The following ATP11C variants were observed in gnomAD, a reference collection of about 807,000 sequenced individuals.
ATP11C encodes ATPase phospholipid transporting 11C (ATP11C blood group), also known as phospholipid-transporting ATPase IG.
In ATP11C, 36 loss-of-function variants were observed where a neutral mutation model predicts 97.4. The ratio of observed to expected loss-of-function variants is 0.37; its 90% CI spans 0.28 to 0.49. The LOEUF is 0.49. ATP11C is among the 20% of genes least tolerant of loss of function. The probability of loss-of-function intolerance (pLI) is 0.98; values close to 1 mark genes in which losing one functional copy is unlikely to be tolerated. For synonymous variants in ATP11C, 275 were observed against 290.9 expected, an observed-to-expected ratio of 0.95 and a Z score of 0.56; for missense variants, 730 against 824.6, an observed-to-expected ratio of 0.89 and a Z score of 1.40.
chrX:139,933,636 A>T (rs951804526), upstream of ATP11C, among the ~76,000 whole-genome samples: 1 of 111,578 alleles, frequency 9.0e-6, no homozygotes, highest in Middle Eastern at 4.7e-3. Context: ...GAGTTCAGAG[A>T]CTCTTACACG....
At chrX:139,767,670 G>C (rs1301809656) in intron 20 of ATP11C, among the ~76,000 whole-genome samples, 4 of 111,632 alleles carry the variant, frequency 3.6e-5, no homozygotes. Context: ...TATCCAGAGA[G>C]AGACCATAAA....
intron 28 of ATP11C, among the ~76,000 whole-genome samples, chrX:139,735,773 GAAA>G (rs1247095652): frequency 1.0e-5 from 1 of 97,243 alleles, no homozygotes; most frequent in Non-Finnish European, 2.1e-5. Context: ...TTTCTCATAA[GAAA>G]AAAAAAAAAG....
chrX:139,841,668 G>A (rs775241190), intron 1 of ATP11C, among the ~76,000 whole-genome samples: 4 of 112,376 alleles, frequency 3.6e-5, no homozygotes, highest in Non-Finnish European at 7.5e-5. Context: ...TGAATCTTGT[G>A]TAGAAGAACA....
At position 139,908,163 on chromosome X, in the gene ATP11C, G is replaced by C. The variant is rs772090760; in HGVS notation, c.27+23853C>G. On this transcript the variant is annotated intron_variant, in intron 1 of 29. Transcript: ENST00000682941. ...ATCTTCCCCCGGTTCCACTGAGTGT[G>C]CCCTTCAGCCCCACTAGCCTCCTTT... 3.6e-5 allele frequency among the ~76,000 whole-genome samples: 4 copies of C among 111,323 alleles called. No homozygotes were observed. The South Asian group carries it at 1.5e-3, about 42-fold the overall frequency.
At chrX:139,769,326 ATT>A (rs1556299528) in intron 19 of ATP11C, among the ~76,000 whole-genome samples, 2 of 67,012 alleles carry the variant, frequency 3.0e-5, no homozygotes, top group Admixed American at 3.7e-4. Context: ...ATATATATAT[ATT>A]CTTTAAATGT....
Position 139,826,689 on chromosome X carries a change from A to G in ATP11C, c.147+15T>C. The G allele has an allele frequency of 8.4e-7, 1 of 1,191,211 alleles. No homozygotes were observed. Among genetic ancestry groups the G allele is most frequent in the South Asian group, 1.8e-5 (1 of 55,056 alleles). ...TCACTATATGAACATCTATTGAGTTAAAACAAAAACTTACCTTAGATGAGA... is the reference window on the plus strand; with the variant it reads ...TCACTATATGAACATCTATTGAGTTGAAACAAAAACTTACCTTAGATGAGA... On this transcript the variant is annotated intron_variant, in intron 2 of 29. Coordinates refer to ENST00000682941, the MANE Select transcript of ATP11C (RefSeq NM_001353812.2).
rs934664774 is a variant in ATP11C at position 139,853,833 on chromosome X, C to CAAAAAAAAAAAAAAAAAAAAA, written c.28-27031_28-27011dup. On this transcript the variant is annotated intron_variant, in intron 1 of 29. Transcript: ENST00000682941. ...TCACCAGTTCAGAACTATCCTAAGT[C>CAAAAAAAAAAAAAAAAAAAAA]AAAAAAAAAAAAAAAAAAAAAAAAA... Among the ~76,000 whole-genome samples, 2 of 21,270 alleles carry CAAAAAAAAAAAAAAAAAAAAA rather than the reference C, an allele frequency of 9.4e-5. 1 individual carries two copies. The highest frequency in any genetic ancestry group is 1.6e-4 in the Non-Finnish European group (2 of 12,246). The allele number at this position is 21,270 out of a possible 115,157, so 18.5% of individuals were successfully genotyped here.
intron 22 of ATP11C, among the ~76,000 whole-genome samples, chrX:139,758,728 C>T (rs1191196839): frequency 2.7e-5 from 3 of 112,009 alleles, no homozygotes; most frequent in Non-Finnish European, 5.6e-5. Flanking sequence ...AGCTTTTTTA[C>T]TGTTACTTGG....
intron 1 of ATP11C, among the ~76,000 whole-genome samples, chrX:139,870,655 A>G (rs753012188): frequency 1.8e-5 from 2 of 112,726 alleles, no homozygotes; most frequent in African/African-American, 6.4e-5. Context: ...ACTGTGGGAC[A>G]TCTATTTATG....
chrX:139,871,515 G>A (rs952264350), intron 1 of ATP11C, among the ~76,000 whole-genome samples: 3 of 90,048 alleles, frequency 3.3e-5, no homozygotes, highest in South Asian at 5.2e-4. Flanking sequence ...GGCCACCCCC[G>A]CTTTTTTTTT....
intron 12 of ATP11C, 143 bp from the exon 13 acceptor site, chrX:139,789,631 A>G (rs943972642): frequency 9.4e-6 from 4 of 423,756 alleles, no homozygotes; most frequent in Non-Finnish European, 1.5e-5. Context: ...TTACAGAGAC[A>G]ATATTACCAA....
chrX:139,732,938 T>C (rs1348750694), intron 28 of ATP11C, among the ~76,000 whole-genome samples: 1 of 111,663 alleles, frequency 9.0e-6, no homozygotes, highest in African/African-American at 3.2e-5. Flanking sequence ...CCAATCTATC[T>C]TGAAGTAATT....
At chrX:139,911,074 AT>A (rs1438345042) in intron 1 of ATP11C, among the ~76,000 whole-genome samples, 2 of 111,613 alleles carry the variant, frequency 1.8e-5, no homozygotes, top group African/African-American at 6.5e-5. Flanking sequence ...ATAGAGAAAG[AT>A]TGCTTAAACA....
chrX:139,886,842 A>C (rs2148059868), intron 1 of ATP11C, among the ~76,000 whole-genome samples: 1 of 111,160 alleles, frequency 9.0e-6, no homozygotes, highest in African/African-American at 3.3e-5. Flanking sequence ...CTTTTTCAAA[A>C]ATTTATAAGG....
chrX:139,812,460 C>T (rs2083194964), intron 5 of ATP11C, among the ~76,000 whole-genome samples: 1 of 110,241 alleles, frequency 9.1e-6, no homozygotes, highest in Admixed American at 9.7e-5. Context: ...CCTTTGCCTG[C>T]TTTGCAATTT....
chrX:139,754,919 A>T (rs1443531458), intron 23 of ATP11C, among the ~76,000 whole-genome samples: 1 of 111,894 alleles, frequency 8.9e-6, no homozygotes, highest in East Asian at 2.8e-4. Context: ...GCATTCCCTC[A>T]AAAACCAGAA....
intron 1 of ATP11C, among the ~76,000 whole-genome samples, chrX:139,829,786 T>G (rs772823395): frequency 9.0e-6 from 1 of 111,521 alleles, no homozygotes; most frequent in South Asian, 3.7e-4. Flanking sequence ...AATTTCTTTC[T>G]CAAGATAAAA....
At chrX:139,909,953 G>T (rs780038724) in intron 1 of ATP11C, 1 of 111,858 alleles carries the variant, frequency 8.9e-6, no homozygotes. Flanking sequence ...CACGTCCTTA[G>T]AAACACCTCA....
At chrX:139,778,978 G>A (rs1351679122) in intron 18 of ATP11C, among the ~76,000 whole-genome samples, 1 of 111,651 alleles carries the variant, frequency 9.0e-6, no homozygotes, top group Non-Finnish European at 1.9e-5. Flanking sequence ...ACCAACAACA[G>A]TAAATAAAAA....
Sources: gnomAD v4.1 joint callset for allele counts (sites outside exome capture counted in the v4.1 genomes callset) on GRCh38, gnomAD v4.1.1 for gene constraint, MANE v1.5 for transcripts, NCBI Gene and HGNC (gene_info 2026-07-23, HGNC 2026-07-21) for gene names.